CEACAM21: variants seen among roughly 807,000 people sequenced by gnomAD.
CEACAM21 encodes the protein cell adhesion molecule CEACAM21.
In CEACAM21, 38 loss-of-function variants were observed where a neutral mutation model predicts 33.2. That is an observed-to-expected ratio of 1.14 (90% CI 0.88 to 1.50). CEACAM21 has a LOEUF of 1.50. Ranked by LOEUF, CEACAM21 falls within the 40% of genes most tolerant of loss-of-function variation. CEACAM21 has a pLI of 0.00. For missense variants in CEACAM21, 385 were observed against 364.6 expected (o/e 1.06, Z -0.46); for synonymous variants, 156 against 143.0 (o/e 1.09, Z -0.65).
intron 2 of CEACAM21, among the ~76,000 whole-genome samples, chr19:41,567,497 CA>C (rs2042341023): frequency 6.6e-6 from 1 of 152,156 alleles, no homozygotes. Context: ...AAAGACTCAG[CA>C]AACAACAATT....
chr19:41,561,724 C>T (rs1208262813), intron 1 of CEACAM21, among the ~76,000 whole-genome samples: 4 of 152,066 alleles, frequency 2.6e-5, no homozygotes, highest in Admixed American at 2.0e-4. Flanking sequence ...GCTGGTGGCA[C>T]AGAGTGAAAA....
chr19:41,584,806 G>A (rs375684542), intron 4 of CEACAM21, among the ~76,000 whole-genome samples: 6 of 152,170 alleles, frequency 3.9e-5, no homozygotes, highest in Middle Eastern at 3.2e-3. Flanking sequence ...GGGATCCTGG[G>A]CATCATCACA....
intron 1 of CEACAM21, among the ~76,000 whole-genome samples, chr19:41,552,743 G>A (rs187630660): frequency 3.0e-4 from 46 of 152,282 alleles, no homozygotes; most frequent in Middle Eastern, 3.4e-3. Flanking sequence ...GGAAAAAGTC[G>A]ATTTGTTCCC....
intron 1 of CEACAM21, among the ~76,000 whole-genome samples, 169 bp from the exon 2 acceptor site, chr19:41,577,031 C>T (rs1463947902): frequency 6.6e-6 from 1 of 152,022 alleles, no homozygotes; most frequent in African/African-American, 2.4e-5. Context: ...ATGCCAAGGT[C>T]AGAGGTACTG....
chr19:41,573,087 G>C (rs149580723), upstream of CEACAM21, among the ~76,000 whole-genome samples: 4,206 of 152,250 alleles, frequency 0.028, 102 homozygotes, highest in Non-Finnish European at 0.043. Flanking sequence ...GTCTGACCAG[G>C]AGCTGCTCTT....
At chr19:41,558,950 T>C (rs1184984448) in intron 1 of CEACAM21, among the ~76,000 whole-genome samples, 1 of 152,248 alleles carries the variant, frequency 6.6e-6, no homozygotes, top group Non-Finnish European at 1.5e-5. Flanking sequence ...GGGAAAATCA[T>C]GTATTCATTG....
chr19:41,580,310 T>TGG (rs3030814), intron 3 of CEACAM21, among the ~76,000 whole-genome samples: 8,310 of 151,214 alleles, frequency 0.055, 504 homozygotes, highest in East Asian at 0.35. Context: ...CCAAATGTGA[T>TGG]GGGGGGGGGT....
At chr19:41,551,828 G>T (rs1314681907) in intron 1 of CEACAM21, 4 of 151,552 alleles carry the variant, frequency 2.6e-5, no homozygotes, top group Non-Finnish European at 5.9e-5. Flanking sequence ...ACCCAAAACC[G>T]GTCAGTTGGG....
intron 2 of CEACAM21, among the ~76,000 whole-genome samples, chr19:41,566,671 T>G (rs1387397600): frequency 2.0e-5 from 3 of 152,230 alleles, no homozygotes; most frequent in Non-Finnish European, 4.4e-5. Context: ...CTTCTGAAAA[T>G]GTGTTAGAAA....
intron 1 of CEACAM21, chr19:41,550,338 GA>G (rs1555783898): frequency 6.6e-6 from 1 of 152,146 alleles, no homozygotes; most frequent in Non-Finnish European, 1.5e-5. Context: ...CTTCTCAACG[GA>G]AAAAATTATG....
intron 2 of CEACAM21, 35 bp downstream of exon 2, chr19:41,577,594 G>T: frequency 6.2e-7 from 1 of 1,608,476 alleles, no homozygotes; most frequent in Non-Finnish European, 8.5e-7. Flanking sequence ...GGTGTTGGGG[G>T]TCAGTTCTGC....
chr19:41,575,971 G>A (rs773445758), upstream of CEACAM21, among the ~76,000 whole-genome samples: 1 of 152,190 alleles, frequency 6.6e-6, no homozygotes, highest in Non-Finnish European at 1.5e-5. Context: ...GGGAGAGTGG[G>A]TCGTCCTGTT....
intron 1 of CEACAM21, among the ~76,000 whole-genome samples, chr19:41,549,847 C>A (rs530649401): frequency 7.2e-5 from 11 of 152,046 alleles, no homozygotes; most frequent in African/African-American, 2.7e-4. Flanking sequence ...CATTTGCCAC[C>A]GTGCCCAATT....
At chr19:41,586,197 T>A in intron 6 of CEACAM21, 1 of 567,264 alleles carries the variant, frequency 1.8e-6, no homozygotes, top group Non-Finnish European at 3.2e-6. Context: ...ATCTATGAGG[T>A]GAGTGGGGGC....
At chr19:41,580,774 T>C (rs554585811) in intron 3 of CEACAM21, among the ~76,000 whole-genome samples, 1 of 152,338 alleles carries the variant, frequency 6.6e-6, no homozygotes, top group Non-Finnish European at 1.5e-5. Flanking sequence ...ATTTAATCAT[T>C]GGCCATTAAT....
intron 1 of CEACAM21, among the ~76,000 whole-genome samples, chr19:41,557,443 T>C (rs2041604622): frequency 1.3e-5 from 2 of 152,178 alleles, no homozygotes; most frequent in African/African-American, 4.8e-5. Flanking sequence ...TATATTGTAG[T>C]TGGTAAATCA....
At chr19:41,556,447 G>C (rs1173791468) in intron 1 of CEACAM21, among the ~76,000 whole-genome samples, 1 of 152,182 alleles carries the variant, frequency 6.6e-6, no homozygotes, top group Non-Finnish European at 1.5e-5. Flanking sequence ...CAGAAAGACT[G>C]TATGTACATA....
chr19:41,570,513 G>C (rs1462681222), intron 2 of CEACAM21, among the ~76,000 whole-genome samples: 1 of 152,162 alleles, frequency 6.6e-6, no homozygotes, highest in Non-Finnish European at 1.5e-5. Context: ...AAGGAGATGA[G>C]AGGCCCGGGT....
In CEACAM21 at chr19:41,567,048, C is replaced by T. The variant is rs192200884; in HGVS notation, c.-404+1992C>T. On this transcript the variant is annotated intron_variant, in intron 2 of 7. Coordinates refer to the CEACAM21 transcript ENST00000407170. ...TCAATTTATATTTTCATATTGTTTT[C>T]TCTCTCTCTCTCTCTCATAATGTTA... Among the ~76,000 whole-genome samples the T allele has an allele frequency of 2.5e-3, 382 of 150,282 alleles. 2 individuals carry two copies. Among genetic ancestry groups the T allele is most frequent in the African/African-American group, 8.8e-3 (360 of 40,974 alleles).
Sources: gnomAD v4.1 joint callset for allele counts (sites outside exome capture counted in the v4.1 genomes callset) on GRCh38, gnomAD v4.1.1 for gene constraint, MANE v1.5 for transcripts, NCBI Gene and HGNC (gene_info 2026-07-23, HGNC 2026-07-21) for gene names.